MYO15A: variants seen among roughly 807,000 people sequenced by gnomAD.
The protein encoded by MYO15A is myosin XVA.
A neutral mutation model predicts 394.6 loss-of-function variants in MYO15A; 308 were observed. That is an observed-to-expected ratio of 0.78 (90% confidence interval 0.71 to 0.86). The LOEUF is 0.86. Ranked by LOEUF, MYO15A falls within the 40% of genes least tolerant of loss-of-function variation. The pLI, the probability that MYO15A is intolerant of heterozygous loss-of-function variation, is 0.00. For missense variants in MYO15A, 4,606 were observed against 4,799.1 expected, an observed-to-expected ratio of 0.96 and a Z score of 1.19; for synonymous variants, 1,957 against 2,003.8, an observed-to-expected ratio of 0.98 and a Z score of 0.62.
intron 64 of MYO15A, 138 bp from the exon 65 acceptor site, chr17:18,173,643 G>A (rs945555031): frequency 6.8e-6 from 8 of 1,175,576 alleles, no homozygotes; most frequent in African/African-American, 3.0e-5. Flanking sequence ...TCAAGGTCAC[G>A]CAAGTCACTG....
chr17:18,163,623 G>T, intron 59 of MYO15A, 119 bp from the exon 60 acceptor site: 1 of 911,374 alleles, frequency 1.1e-6, no homozygotes, highest in Non-Finnish European at 1.7e-6. Context: ...AGAGGATTGT[G>T]CGCCTTTGTG....
intron 8 of MYO15A, 139 bp downstream of exon 8, chr17:18,130,949 T>C: frequency 3.0e-6 from 3 of 990,060 alleles, no homozygotes; most frequent in South Asian, 1.5e-5. Context: ...TCCAAAGGCC[T>C]GTCCTAGGCA....
chr17:18,152,122 A>G lies in MYO15A; in HGVS notation c.7904A>G (p.Glu2635Gly). Residue 2635 changes from glutamate (E) to glycine (G), a missense_variant, in exon 42 of 66, where the codon GAG (glutamate) becomes GGG (glycine). Transcript: ENST00000647165. ...AAAPGTQVSR[E>G]AVALVKPVTS... is the part of the protein sequence containing the mutation. ...TTTGGGGTGGGACAGGTGTCCAGAG[A>G]GGCCGTGGCCCTGGTGAAGCCGGTG... 1.3e-6 allele frequency: 2 copies of G among 1,551,348 alleles called. No individual in the cohort carries two copies. The highest frequency in any genetic ancestry group is 1.7e-6 in the Non-Finnish European group (2 of 1,147,012).
chr17:18,147,510 A>G lies in MYO15A; in HGVS notation c.6510-519A>G, dbSNP rs1017116175. Among the ~76,000 whole-genome samples the G allele has an allele frequency of 1.3e-5, 2 of 152,174 alleles. No homozygotes were observed. Among genetic ancestry groups the G allele is most frequent in the African/African-American group, 4.8e-5 (2 of 41,428 alleles). On this transcript the variant is annotated intron_variant, in intron 30 of 65. Transcript: ENST00000647165. This position sits in a 1 kb window ranked among gnomAD's most constrained non-coding sequence, Gnocchi z 4.4. ...GGAATGGCTGGTAGGGATTGGGCTCATTGGGCCTGGGTTGAGTTGAACCCT... is the reference window on the plus strand; with the variant it reads ...GGAATGGCTGGTAGGGATTGGGCTCGTTGGGCCTGGGTTGAGTTGAACCCT...
At position 18,178,864 on chromosome 17, in the gene MYO15A, G is replaced by T; in HGVS notation, c.10587G>T (p.Leu3529=). 1 of 1,612,850 alleles carries T rather than the reference G, an allele frequency of 6.2e-7. No homozygotes were observed. Among genetic ancestry groups the T allele is most frequent in the Non-Finnish European group, 8.5e-7 (1 of 1,180,002 alleles). ...RLTLPPSEIT[L]L is the part of the protein sequence containing the mutation. ...CATTGCCCCCCAGCGAGATCACCCT[G>T]CTCTGACCCAGCCCCCAGCCCTCCA... Residue 3529 remains leucine, a synonymous_variant, in exon 66 of 66, where the codon CTG becomes CTT. Transcript: ENST00000647165.
intron 63 of MYO15A, 97 bp from the exon 64 acceptor site, chr17:18,172,060 G>T: frequency 1.9e-6 from 3 of 1,596,240 alleles, no homozygotes; most frequent in Non-Finnish European, 1.7e-6. Flanking sequence ...TTCTGCACTG[G>T]CTGGACACAG....
At position 18,120,158 on chromosome 17, in the gene MYO15A, C is replaced by T; in HGVS notation, c.1358C>T (p.Pro453Leu). 1.9e-6 allele frequency: 3 copies of T among 1,612,932 alleles called. No homozygotes were observed. Among genetic ancestry groups the T allele is most frequent in the Non-Finnish European group, 2.5e-6 (3 of 1,179,988 alleles). The change falls in exon 2 of 66, where the codon CCC becomes CTC. Residue 453 changes from proline to leucine, a missense_variant. Pro to Leu is a moderately conservative substitution (Grantham distance 98). This residue lies in a region of MYO15A where 1,830 missense variants were observed against 1,689.7 expected (regional missense o/e 1.08). Transcript: ENST00000647165. ...VERQGTSFRL[P>L]SAAFFEQQGM... ...CGTCAGGGGACCTCCTTCCGCCTGCCCAGCGCCGCCTTCTTCGAGCAGCAA... is the reference window on the plus strand; with the variant it reads ...CGTCAGGGGACCTCCTTCCGCCTGCTCAGCGCCGCCTTCTTCGAGCAGCAA...
At position 18,172,203 on chromosome 17, in the gene MYO15A, C is replaced by G. The variant is rs748246442; in HGVS notation, c.10263C>G (p.Ile3421Met). The change falls in exon 64 of 66, where the codon ATC becomes ATG. Residue 3421 changes from isoleucine (I) to methionine (M), a missense_variant. Physicochemically the swap from Ile to Met is conservative, Grantham distance 10 (BLOSUM62 1). This residue lies in a region of MYO15A where 2,776 missense variants were observed against 3,109.3 expected (regional missense o/e 0.89). Transcript: ENST00000647165. ...LPMFGSSFFF[I>M]QSCSNIAVPA... ...TGTTCGGCTCCTCCTTCTTCTTCAT[C>G]CAGAGCTGCAGCAACATTGCTGTGC... The G allele has an allele frequency of 3.9e-5, 63 of 1,614,120 alleles. No individual in the cohort carries two copies. In the East Asian group the frequency reaches 1.4e-3, roughly 35 times the overall value.
intron 62 of MYO15A, among the ~76,000 whole-genome samples, chr17:18,170,203 A>C (rs2046919607): frequency 6.6e-6 from 1 of 151,940 alleles, no homozygotes; most frequent in African/African-American, 2.4e-5. Context: ...ATGTGATGAA[A>C]ATGATTTTCA....
In MYO15A at chr17:18,118,902, G is replaced by A; in HGVS notation, c.102G>A (p.Ser34=). ...EKPKRSLKGT[S]RLFMGFRDRT... ...CCAAACGGAGCCTGAAGGGGACGTC[G>A]CGGCTGTTCATGGGCTTCCGCGACC... The change falls in exon 2 of 66, where the codon TCG becomes TCA. Residue 34 remains serine (S), a synonymous_variant. Coordinates refer to ENST00000647165, the MANE Select transcript of MYO15A (RefSeq NM_016239.4). 1.2e-6 allele frequency: 2 copies of A among 1,613,920 alleles called. No homozygotes were observed. The highest frequency in any genetic ancestry group is 1.3e-5 in the African/African-American group (1 of 75,050).
At chr17:18,124,103 A>G in intron 2 of MYO15A, 1 of 312,540 alleles carries the variant, frequency 3.2e-6, no homozygotes, top group Non-Finnish European at 6.3e-6. Flanking sequence ...CCCATGCACC[A>G]GGTCACAAGT....
chr17:18,167,747 A>G, intron 62 of MYO15A, 24 bp downstream of exon 62: 1 of 1,601,328 alleles, frequency 6.2e-7, no homozygotes. Context: ...CTCCTGCCTC[A>G]GCTGGGGTGG....
At position 18,168,288 on chromosome 17, in the gene MYO15A, G is replaced by A. The variant is rs116375498; in HGVS notation, c.10082+565G>A. Among the ~76,000 whole-genome samples the A allele has an allele frequency of 7.6e-3, 1,149 of 151,928 alleles. 10 individuals are homozygous for A. Among genetic ancestry groups the A allele is most frequent in the African/African-American group, 0.024 (1,009 of 41,414 alleles). On this transcript the variant is annotated intron_variant, in intron 62 of 65. Transcript: ENST00000647165. Reference sequence around the variant, plus strand: ...TTTGTAGAAACAGGGTCTTGTGGCCGGGCGCGGTCGCTCATGCCTGTAATC... The same window carrying A: ...TTTGTAGAAACAGGGTCTTGTGGCCAGGCGCGGTCGCTCATGCCTGTAATC...
chr17:18,135,738 G>T lies in MYO15A; in HGVS notation c.4510G>T (p.Val1504Leu). The T allele has an allele frequency of 6.2e-7, 1 of 1,614,190 alleles. No individual in the cohort carries two copies. Among genetic ancestry groups the T allele is most frequent in the African/African-American group, 1.3e-5 (1 of 75,048 alleles). Reference sequence around the variant, plus strand: ...GGATGCACAGGAGGTGGCCTCAGTGGTGAGTGCCCGAGAGATCCAGGCCGT... The same window carrying T: ...GGATGCACAGGAGGTGGCCTCAGTGTTGAGTGCCCGAGAGATCCAGGCCGT... ...ETDAQEVASVVSAREIQAVAE... is the reference protein window; with the variant it reads ...ETDAQEVASVLSAREIQAVAE... The change falls in exon 13 of 66, where the codon GTG (valine) becomes TTG (leucine). Residue 1504 changes from valine (V) to leucine (L), a missense_variant. By Grantham distance (32) the Val-to-Leu change is conservative (BLOSUM62 1). Transcript: ENST00000647165.
At chr17:18,165,473 C>T (rs764933367) in intron 60 of MYO15A, among the ~76,000 whole-genome samples, 15 of 152,210 alleles carry the variant, frequency 9.9e-5, no homozygotes, top group Admixed American at 6.5e-5. Flanking sequence ...TCATATCTCT[C>T]TCCCTGCCAG....
intron 52 of MYO15A, 121 bp downstream of exon 52, chr17:18,158,759 C>A (rs1256672158): frequency 2.1e-6 from 3 of 1,408,502 alleles, no homozygotes; most frequent in Non-Finnish European, 3.0e-6. Flanking sequence ...GAGAGACCAC[C>A]CAGGTGTGAG....
rs761069955 is a variant in MYO15A, at chr17:18,120,870, G to C, written c.2070G>C (p.Pro690=). Residue 690 remains proline (P), a synonymous_variant, in exon 2 of 66, where the codon CCG becomes CCC. Coordinates refer to ENST00000647165, the MANE Select transcript of MYO15A (RefSeq NM_016239.4). ...CGGCGCTCTCGGGCCTGCCCCGGCC[G>C]GCCTCGCCCTACGGCTCCCTCCGCC... The part of the protein sequence containing the change: ...LSPALSGLPR[P]ASPYGSLRRH... The C allele has an allele frequency of 9.4e-6, 12 of 1,277,636 alleles. No individual in the cohort carries two copies. The South Asian group carries it at 1.7e-4, about 18-fold the overall frequency. The allele number at this position is 1,277,636 out of a possible 1,614,324, so 79.1% of individuals were successfully genotyped here. A position where few individuals can be genotyped will look rare whatever the true frequency, so the allele number is the denominator to read the frequency against.
rs545312801 is a variant in MYO15A at position 18,167,647 on chromosome 17, G to A, written c.10006G>A (p.Glu3336Lys). The change falls in exon 62 of 66, where the codon GAG becomes AAG. Residue 3336 changes from glutamate to lysine, a missense_variant. Glu to Lys is a moderately conservative substitution (Grantham distance 56, BLOSUM62 1). Transcript: ENST00000647165. ...CAGTGTGCCGGCCAGCCGGCCCAGC[G>A]AGCAGCTGCTGCAGCAGGTGTCCAA... The part of the protein sequence containing the change: ...FSSVPASRPS[E>K]QLLQQVSKLA... 159 of 1,604,214 alleles carry A rather than the reference G, an allele frequency of 9.9e-5. 1 individual carries two copies. In the South Asian group the frequency reaches 1.5e-3, roughly 15 times the overall value.
At chr17:18,125,291 G>A (rs913546816) in intron 4 of MYO15A, 60 bp downstream of exon 4, 1 of 1,516,856 alleles carries the variant, frequency 6.6e-7, no homozygotes, top group Admixed American at 1.7e-5. Flanking sequence ...GCCTCCTGGG[G>A]CCGGGTGGGA....
Sources: allele counts gnomAD v4.1 joint callset (sites outside exome capture counted in the v4.1 genomes callset), GRCh38; gene constraint gnomAD v4.1.1; regional missense constraint gnomAD v4.1.1; non-coding constraint Gnocchi (gnomAD v3.1); transcripts MANE v1.5; gene names NCBI Gene and HGNC (gene_info 2026-07-23, HGNC 2026-07-21).